The following SGCZ variants were observed in gnomAD, a reference collection of about 807,000 sequenced individuals.
SGCZ encodes the protein sarcoglycan zeta, also known as zeta-sarcoglycan.
SGCZ carries 40 observed loss-of-function variants against 41.3 expected under a neutral mutation model. The ratio of observed to expected loss-of-function variants is 0.97; its 90% CI spans 0.75 to 1.26. The LOEUF is 1.26. Among genes scored for constraint, SGCZ ranks in the 50% most tolerant of loss-of-function variants. SGCZ has a pLI of 0.00. For missense variants in SGCZ, 552 were observed against 369.8 expected, an observed-to-expected ratio of 1.49 and a Z score of -4.04; for synonymous variants, 206 against 137.5, an observed-to-expected ratio of 1.50 and a Z score of -3.49.
At chr8:14,904,396 G>C (rs945243121) in intron 1 of SGCZ, among the ~76,000 whole-genome samples, 4 of 151,940 alleles carry the variant, frequency 2.6e-5, no homozygotes, top group African/African-American at 9.7e-5. Context: ...GTTCAATATA[G>C]CACGCAAAAC....
chr8:14,522,753 T>G (rs1324166025), intron 2 of SGCZ, among the ~76,000 whole-genome samples: 1 of 151,834 alleles, frequency 6.6e-6, no homozygotes, highest in Admixed American at 6.6e-5. Flanking sequence ...ATTAAATTCC[T>G]TCATTCTGCT....
chr8:14,544,421 T>G (rs942671977), intron 2 of SGCZ, among the ~76,000 whole-genome samples: 2 of 152,076 alleles, frequency 1.3e-5, no homozygotes, highest in Non-Finnish European at 2.9e-5. Context: ...AAGGTCTGAT[T>G]GCCTGCGGGG....
chr8:14,749,718 A>G (rs1377949087), intron 1 of SGCZ, among the ~76,000 whole-genome samples: 1 of 151,642 alleles, frequency 6.6e-6, no homozygotes, highest in African/African-American at 2.4e-5. Context: ...CAAATGCAGT[A>G]AGTTTTTTTT....
intron 1 of SGCZ, among the ~76,000 whole-genome samples, chr8:14,729,571 TAC>T (rs1330126163): frequency 6.6e-6 from 1 of 152,214 alleles, no homozygotes; most frequent in African/African-American, 2.4e-5. Context: ...TACAGCCACC[TAC>T]TAGTCAGTAG....
At chr8:14,204,539 A>G (rs1470346355) in intron 4 of SGCZ, among the ~76,000 whole-genome samples, 2 of 152,100 alleles carry the variant, frequency 1.3e-5, no homozygotes, top group Non-Finnish European at 2.9e-5. Context: ...GATTAGATGA[A>G]GGAACACCTT....
intron 2 of SGCZ, among the ~76,000 whole-genome samples, chr8:14,336,963 C>A (rs929418776): frequency 4.6e-5 from 7 of 152,130 alleles, no homozygotes; most frequent in African/African-American, 1.7e-4. Context: ...CTTGCCTTTA[C>A]TCTGGCACTG....
intron 1 of SGCZ, among the ~76,000 whole-genome samples, chr8:14,971,881 C>A (rs2130865581): frequency 6.6e-6 from 1 of 152,090 alleles, no homozygotes; most frequent in East Asian, 1.9e-4. Context: ...ATCACTTGGT[C>A]TCGTGATCAC....
chr8:14,094,097 A>G (rs559305164), intron 7 of SGCZ, among the ~76,000 whole-genome samples: 7 of 152,146 alleles, frequency 4.6e-5, no homozygotes, highest in African/African-American at 9.6e-5. Flanking sequence ...TTTCTCTTCC[A>G]TATACCATTC....
intron 2 of SGCZ, among the ~76,000 whole-genome samples, chr8:14,420,475 T>C (rs578088779): frequency 6.6e-5 from 10 of 152,224 alleles, no homozygotes; most frequent in Admixed American, 3.3e-4. Flanking sequence ...TGTTCGGTAT[T>C]GCATTCTATA....
In SGCZ at chr8:14,551,543, ATATATAT is replaced by A. The variant is rs1803845299; in HGVS notation, c.234+3182_234+3188del. On this transcript the variant is annotated intron_variant, in intron 2 of 7. Coordinates refer to ENST00000382080, the MANE Select transcript of SGCZ (RefSeq NM_139167.4). ...ATATATAATATATATAATATATATA[ATATATAT>A]AATATATATTATATATATAATATAT... 1.1e-3 allele frequency among the ~76,000 whole-genome samples: 4 copies of A among 3,732 alleles called. 1 individual carries two copies. Among genetic ancestry groups the A allele is most frequent in the East Asian group, 9.6e-3 (1 of 104 alleles). The allele number at this position is 3,732 out of a possible 152,430, so 2.4% of individuals were successfully genotyped here. A position where few individuals can be genotyped will look rare whatever the true frequency, so the allele number is the denominator to read the frequency against.
chr8:14,670,530 A>C (rs1007873392), intron 1 of SGCZ, among the ~76,000 whole-genome samples: 13 of 152,188 alleles, frequency 8.5e-5, no homozygotes, highest in Non-Finnish European at 1.3e-4. Context: ...CTTCCTAATG[A>C]TAATAGCAAT....
intron 1 of SGCZ, among the ~76,000 whole-genome samples, chr8:14,839,467 A>C (rs1405697940): frequency 6.6e-6 from 1 of 152,154 alleles, no homozygotes; most frequent in Non-Finnish European, 1.5e-5. Flanking sequence ...TCAGGAGAAA[A>C]GTTAAATAGA....
intron 2 of SGCZ, among the ~76,000 whole-genome samples, chr8:14,521,013 T>C (rs1350547869): frequency 6.6e-6 from 1 of 152,000 alleles, no homozygotes; most frequent in Middle Eastern, 3.4e-3. Flanking sequence ...GAAATTATTT[T>C]AGATTCCCAT....
intron 1 of SGCZ, among the ~76,000 whole-genome samples, chr8:14,903,546 A>G (rs1343134934): frequency 6.6e-6 from 1 of 152,124 alleles, no homozygotes; most frequent in African/African-American, 2.4e-5. Flanking sequence ...ATAAGTAAAA[A>G]CACAGAAAGA....
chr8:14,584,748 G>C (rs1463590848), intron 1 of SGCZ, among the ~76,000 whole-genome samples: 1 of 151,932 alleles, frequency 6.6e-6, no homozygotes, highest in Non-Finnish European at 1.5e-5. Context: ...AAGGGAAAAG[G>C]GAAGGTAGAA....
At chr8:14,670,909 C>G (rs1004966194) in intron 1 of SGCZ, among the ~76,000 whole-genome samples, 6 of 152,182 alleles carry the variant, frequency 3.9e-5, no homozygotes, top group African/African-American at 1.4e-4. Flanking sequence ...ATTTACTACC[C>G]TATAGAACTA....
At chr8:14,688,216 A>G (rs1188425076) in intron 1 of SGCZ, among the ~76,000 whole-genome samples, 1 of 152,114 alleles carries the variant, frequency 6.6e-6, no homozygotes, top group African/African-American at 2.4e-5. Context: ...CCACTTGTCA[A>G]CTTTGGCTTT....
chr8:14,859,197 G>A (rs1803640747), intron 1 of SGCZ, among the ~76,000 whole-genome samples: 1 of 152,020 alleles, frequency 6.6e-6, no homozygotes, highest in Non-Finnish European at 1.5e-5. Flanking sequence ...ATTATTAAGA[G>A]AAACTTACTT....
At chr8:15,205,851 T>A (rs896883508) in intron 1 of SGCZ, among the ~76,000 whole-genome samples, 1 of 152,060 alleles carries the variant, frequency 6.6e-6, no homozygotes, top group East Asian at 1.9e-4. Flanking sequence ...AGCAAACACA[T>A]GGAATCAACC....
Sources: allele counts gnomAD v4.1 joint callset (sites outside exome capture counted in the v4.1 genomes callset), GRCh38; gene constraint gnomAD v4.1.1; transcripts MANE v1.5; gene names NCBI Gene and HGNC (gene_info 2026-07-23, HGNC 2026-07-21).